The following GRM1 variants were observed in gnomAD, a reference collection of about 807,000 sequenced individuals.
GRM1 encodes the protein glutamate metabotropic receptor 1, also known as metabotropic glutamate receptor 1.
Under a neutral mutation model 90.9 loss-of-function variants are expected in GRM1, and 33 were observed. The observed-to-expected ratio is 0.36, with a 90% confidence interval of 0.28 to 0.49. The LOEUF (loss-of-function observed/expected upper bound fraction) is 0.49. GRM1 is among the 20% of genes least tolerant of loss of function. The probability of loss-of-function intolerance (pLI) is 0.99; values close to 1 mark genes in which losing one functional copy is unlikely to be tolerated. For synonymous variants in GRM1, 700 were observed against 613.2 expected (o/e 1.14, Z -2.09); for missense variants, 1,190 against 1,534.3 (o/e 0.78, Z 3.75).
intron 1 of GRM1, among the ~76,000 whole-genome samples, chr6:146,054,428 T>C (rs1299858863): frequency 6.6e-6 from 1 of 152,098 alleles, no homozygotes; most frequent in Non-Finnish European, 1.5e-5. Flanking sequence ...ATTTAATTTT[T>C]CTATGGAGGT....
At chr6:146,229,225 C>T (rs1780362056) in intron 2 of GRM1, among the ~76,000 whole-genome samples, 1 of 151,772 alleles carries the variant, frequency 6.6e-6, no homozygotes, top group East Asian at 1.9e-4. Context: ...CTCAGGTGAT[C>T]CGCCTGCCTC....
chr6:146,086,322 T>C (rs1434961353), intron 1 of GRM1, among the ~76,000 whole-genome samples: 1 of 152,148 alleles, frequency 6.6e-6, no homozygotes, highest in Non-Finnish European at 1.5e-5. Flanking sequence ...TTCAGCTTTC[T>C]CTCTGAGGAC....
chr6:146,295,384 C>T (rs1272881894), intron 2 of GRM1, among the ~76,000 whole-genome samples: 1 of 107,642 alleles, frequency 9.3e-6, no homozygotes, highest in East Asian at 2.5e-4. Flanking sequence ...CCCCCATGCC[C>T]GGCTAATTTT....
chr6:146,221,201 A>T (rs181784897), intron 2 of GRM1, among the ~76,000 whole-genome samples: 23 of 152,260 alleles, frequency 1.5e-4, no homozygotes, highest in Admixed American at 2.6e-4. Context: ...AGATTTTTTT[A>T]AAAATTATAC....
At chr6:146,404,303 G>GAT (rs1283039907) in intron 7 of GRM1, among the ~76,000 whole-genome samples, 2 of 151,992 alleles carry the variant, frequency 1.3e-5, no homozygotes, top group Non-Finnish European at 2.9e-5. Flanking sequence ...TTAGGTACTT[G>GAT]ATATGGTGCT....
intron 1 of GRM1, among the ~76,000 whole-genome samples, chr6:146,038,877 T>G (rs1790991870): frequency 6.6e-6 from 1 of 152,028 alleles, no homozygotes; most frequent in South Asian, 2.1e-4. Context: ...TGAAAGATTT[T>G]AAAAGGTTAT....
At chr6:146,307,392 T>C (rs918360540) in intron 3 of GRM1, among the ~76,000 whole-genome samples, 2 of 152,184 alleles carry the variant, frequency 1.3e-5, no homozygotes, top group Non-Finnish European at 2.9e-5. Context: ...ATAAAACTTA[T>C]TTATGTTTTA....
intron 3 of GRM1, among the ~76,000 whole-genome samples, chr6:146,312,262 A>G (rs1161310904): frequency 7.0e-6 from 1 of 143,756 alleles, no homozygotes; most frequent in East Asian, 2.3e-4. Flanking sequence ...AATGGCGTGA[A>G]CCCAGGAGGC....
At chr6:146,274,793 C>T (rs1052653729) in intron 2 of GRM1, among the ~76,000 whole-genome samples, 1 of 152,176 alleles carries the variant, frequency 6.6e-6, no homozygotes, top group East Asian at 1.9e-4. Context: ...TTAATAGTCA[C>T]ATGACACAAA....
In GRM1 at chr6:146,437,435, T is replaced by G. The variant is rs753511488; in HGVS notation, c.*2639T>G. On this transcript the variant is annotated 3_prime_UTR_variant, in exon 8 of 8. Coordinates refer to ENST00000282753, the MANE Select transcript of GRM1 (RefSeq NM_001278064.2). ...TGTCATCATTGTTCAAAATTGGAGA[T>G]GTACACATACATACCCTATACCAAG... 2 of 152,620 alleles carry G rather than the reference T, an allele frequency of 1.3e-5. No individual in the cohort carries two copies. The highest frequency in any genetic ancestry group is 2.9e-5 in the Non-Finnish European group (2 of 68,038). The allele number at this position is 152,620 out of a possible 1,614,324, so 9.5% of individuals were successfully genotyped here. A position where few individuals can be genotyped will look rare whatever the true frequency, so the allele number is the denominator to read the frequency against.
intron 2 of GRM1, among the ~76,000 whole-genome samples, chr6:146,260,217 G>T (rs1054695631): frequency 2.0e-5 from 3 of 151,296 alleles, no homozygotes; most frequent in African/African-American, 7.3e-5. Flanking sequence ...TGTCCTCATT[G>T]TTCAATTCCC....
At chr6:146,052,462 A>G (rs956918700) in intron 1 of GRM1, among the ~76,000 whole-genome samples, 2 of 151,906 alleles carry the variant, frequency 1.3e-5, no homozygotes, top group African/African-American at 4.8e-5. Flanking sequence ...AGCCCTTCCC[A>G]TGGGGAGAAG....
chr6:146,239,538 C>T (rs540102847), intron 2 of GRM1, among the ~76,000 whole-genome samples: 13 of 152,060 alleles, frequency 8.5e-5, no homozygotes, highest in South Asian at 4.2e-4. Context: ...CAGTGTTTGA[C>T]GGATGCATGA....
intron 7 of GRM1, among the ~76,000 whole-genome samples, chr6:146,419,233 A>G (rs989014265): frequency 6.6e-5 from 10 of 152,224 alleles, no homozygotes; most frequent in African/African-American, 2.4e-4. Flanking sequence ...TCATTTTACA[A>G]TCCTTGGTTT....
At position 146,067,281 on chromosome 6, in the gene GRM1, CTTAT is replaced by C. The variant is rs529331115; in HGVS notation, c.700+37069_700+37072del. Among the ~76,000 whole-genome samples the C allele has an allele frequency of 2.0e-3, 307 of 152,258 alleles. 2 individuals carry two copies. The highest frequency in any genetic ancestry group is 7.1e-3 in the African/African-American group (295 of 41,562). On this transcript the variant is annotated intron_variant, in intron 1 of 7. Coordinates refer to ENST00000282753, the MANE Select transcript of GRM1 (RefSeq NM_001278064.2). ...TAGAAACTTGGTTATTTGTCTATTG[CTTAT>C]TTATGTTTCCAATATGATATATGCC...
At chr6:146,258,326 T>A (rs1442890827) in intron 2 of GRM1, among the ~76,000 whole-genome samples, 2 of 152,154 alleles carry the variant, frequency 1.3e-5, no homozygotes, top group Non-Finnish European at 2.9e-5. Context: ...GAGCTAAACT[T>A]GATTTTAAAA....
chr6:146,193,564 T>A (rs1206364889), intron 2 of GRM1, among the ~76,000 whole-genome samples: 1 of 152,210 alleles, frequency 6.6e-6, no homozygotes, highest in Non-Finnish European at 1.5e-5. Context: ...TAGCCACTGA[T>A]GCTTATTGAT....
intron 2 of GRM1, among the ~76,000 whole-genome samples, chr6:146,250,640 A>G (rs1234686651): frequency 6.6e-6 from 1 of 152,208 alleles, no homozygotes; most frequent in Admixed American, 6.5e-5. Context: ...CTATAAAGAT[A>G]CTACCTACTC....
At chr6:146,050,457 A>C (rs984066393) in intron 1 of GRM1, among the ~76,000 whole-genome samples, 2 of 152,034 alleles carry the variant, frequency 1.3e-5, no homozygotes, top group Non-Finnish European at 2.9e-5. Context: ...CTTCAAACAC[A>C]GTAACTCCTG....
Sources: allele counts gnomAD v4.1 joint callset (sites outside exome capture counted in the v4.1 genomes callset), GRCh38; gene constraint gnomAD v4.1.1; transcripts MANE v1.5; gene names NCBI Gene and HGNC (gene_info 2026-07-23, HGNC 2026-07-21).